The following SHOX variants were observed in gnomAD, a reference collection of about 807,000 sequenced individuals.
SHOX encodes the protein short stature homeobox protein.
A neutral mutation model predicts 29.6 loss-of-function variants in SHOX; 12 were observed. The ratio of observed to expected loss-of-function variants is 0.41; its 90% CI spans 0.26 to 0.66. SHOX has a LOEUF of 0.66. Among genes scored for constraint, SHOX ranks in the 30% least tolerant of loss-of-function variants. SHOX has a pLI of 0.35. For missense variants in SHOX, 499 were observed against 437.7 expected (o/e 1.14, Z -1.25); for synonymous variants, 214 against 200.6 (o/e 1.07, Z -0.57).
intron 2 of SHOX, 78 bp downstream of exon 2, chrX:634,904 C>G: frequency 6.9e-7 from 1 of 1,447,658 alleles, no homozygotes; most frequent in Non-Finnish European, 9.3e-7. Context: ...CGTACAGCCA[C>G]CTGCGCCCGG....
At chrX:631,299 C>T in intron 1 of SHOX, 125 bp downstream of exon 1, 1 of 1,255,058 alleles carries the variant, frequency 8.0e-7, no homozygotes, top group Non-Finnish European at 1.1e-6. Context: ...CAGGGTAAGG[C>T]CCGGGCCGTC....
intron 5 of SHOX, among the ~76,000 whole-genome samples, chrX:657,544 C>A (rs193275688): frequency 5.7e-4 from 87 of 152,230 alleles, no homozygotes; most frequent in South Asian, 8.3e-4. Context: ...GCACAAAGAA[C>A]CTGCTCCCCC....
chrX:627,570 C>T (rs542884089), upstream of SHOX, among the ~76,000 whole-genome samples: 47 of 152,258 alleles, frequency 3.1e-4, no homozygotes, highest in Admixed American at 1.6e-3. Flanking sequence ...ATCGGACGTG[C>T]GTGATTTCAA....
chrX:643,234 GGGGAGAGGCTTGGGGACCTGGTGTCCT>G (rs1569494978), intron 4 of SHOX, among the ~76,000 whole-genome samples: 21 of 124,882 alleles, frequency 1.7e-4, no homozygotes, highest in African/African-American at 3.7e-4. Flanking sequence ...CTGGTGTCCT[GGGGAGAGGCTTGGGGACCTGGTGTCCT>G]GGGAGAGGCT....
At chrX:640,226 T>C (rs1240856179) in intron 2 of SHOX, among the ~76,000 whole-genome samples, 30 of 151,690 alleles carry the variant, frequency 2.0e-4, no homozygotes, top group Non-Finnish European at 8.8e-5. Context: ...GCGCCTGTAA[T>C]CCCAGCTACT....
upstream of SHOX, among the ~76,000 whole-genome samples, chrX:628,669 TTC>T (rs1376353289): frequency 1.6e-4 from 1 of 6,426 alleles, no homozygotes; most frequent in African/African-American, 2.8e-3. Flanking sequence ...CCCTGTCTGT[TTC>T]TCTCTCTCCA....
intron 4 of SHOX, 71 bp from the exon 5 acceptor site, chrX:644,320 G>A (rs2052923952): frequency 1.4e-6 from 2 of 1,442,700 alleles, no homozygotes; most frequent in African/African-American, 3.0e-5. Context: ...GGAGGTTTCC[G>A]GGGGCGCGGG....
intron 4 of SHOX, 81 bp from the exon 5 acceptor site, chrX:644,310 G>A: frequency 7.0e-7 from 1 of 1,435,544 alleles, no homozygotes; most frequent in Non-Finnish European, 9.1e-7. Context: ...GAGGCACGTT[G>A]GAGGTTTCCG....
At chrX:636,007 G>A (rs1417125516) in intron 2 of SHOX, among the ~76,000 whole-genome samples, 2 of 151,932 alleles carry the variant, frequency 1.3e-5, no homozygotes, top group Admixed American at 6.6e-5. Flanking sequence ...CTGAAAGCCC[G>A]TTCCCGTAGG....
In SHOX at chrX:631,302, G is replaced by A. The variant is rs1429192223; in HGVS notation, c.277+128G>A. ...CTCCCGTCTCGCCAGGGTAAGGCCC[G>A]GGCCGTCAGGCTTTGCCTAAGAAAG... On this transcript the variant is annotated intron_variant, in intron 1 of 4. Transcript: ENST00000686671. 2.5e-6 allele frequency: 3 copies of A among 1,223,888 alleles called. No homozygotes were observed. In the African/African-American group the frequency reaches 4.5e-5, roughly 18 times the overall value. The allele number at this position is 1,223,888 out of a possible 1,614,324, so 75.8% of individuals were successfully genotyped here. A position where few individuals can be genotyped will look rare whatever the true frequency, so the allele number is the denominator to read the frequency against.
intron 1 of SHOX, among the ~76,000 whole-genome samples, chrX:634,338 T>A (rs766894543): frequency 2.7e-5 from 4 of 146,384 alleles, no homozygotes; most frequent in East Asian, 4.0e-4. Context: ...AAAAAAAAAA[T>A]AAGAAAAAAA....
Position 644,428 on chromosome X carries a change from C to T in SHOX, c.671C>T (p.Ala224Val). Reference protein sequence around the residue: ...AQLQLEGVAHAHPHLHPHLAA... With the variant: ...AQLQLEGVAHVHPHLHPHLAA... ...CTGCAGCTGGAAGGCGTGGCCCACG[C>T]GCACCCGCACCTGCACCCGCACCTG... Residue 224 changes from alanine (A) to valine (V), a missense_variant, in exon 5 of 5, where the codon GCG becomes GTG. Ala to Val is a moderately conservative substitution (Grantham distance 64). Coordinates refer to ENST00000686671, the MANE Select transcript of SHOX (RefSeq NM_000451.4). The T allele has an allele frequency of 2.0e-6, 3 of 1,520,532 alleles. No individual in the cohort carries two copies. In the East Asian group the frequency reaches 7.7e-5, roughly 39 times the overall value. The allele number at this position is 1,520,532 out of a possible 1,614,324, so 94.2% of individuals were successfully genotyped here. A position where few individuals can be genotyped will look rare whatever the true frequency, so the allele number is the denominator to read the frequency against.
chrX:630,111 G>A (rs923141774), upstream of SHOX, among the ~76,000 whole-genome samples: 3 of 152,080 alleles, frequency 2.0e-5, no homozygotes, highest in Non-Finnish European at 4.4e-5. Context: ...CCGGGAGGCG[G>A]CCCCGGGGAT....
At chrX:654,687 G>GT (rs1292972662), downstream of SHOX, among the ~76,000 whole-genome samples, 1 of 152,050 alleles carries the variant, frequency 6.6e-6, no homozygotes, top group African/African-American at 2.4e-5. Flanking sequence ...CTTTGTTTTT[G>GT]TTTTTTAATT....
At position 644,860 on chromosome X, in the gene SHOX, C is replaced by G; in HGVS notation, c.*224C>G. 1 of 578,080 alleles carries G rather than the reference C, an allele frequency of 1.7e-6. No homozygotes were observed. Among genetic ancestry groups the G allele is most frequent in the Non-Finnish European group, 2.7e-6 (1 of 369,662 alleles). 35.8% of individuals were successfully genotyped at this position (578,080 alleles called of 1,614,324 possible). A position where few individuals can be genotyped will look rare whatever the true frequency, so the allele number is the denominator to read the frequency against. ...TGGTGCAGAAGGCGGAGCGGGTGAG[C>G]GGCCGTGCGTCCAGCCCGGGCCTCT... On this transcript the variant is annotated 3_prime_UTR_variant, in exon 5 of 5. Transcript: ENST00000686671.
Position 651,229 on chromosome X carries a change from C to G in SHOX, c.*6593C>G. The G allele has an allele frequency of 2.3e-6, 1 of 435,980 alleles. No individual in the cohort carries two copies. The highest frequency in any genetic ancestry group is 4.6e-6 in the Non-Finnish European group (1 of 216,916). The allele number at this position is 435,980 out of a possible 1,614,324, so 27.0% of individuals were successfully genotyped here. A position where few individuals can be genotyped will look rare whatever the true frequency, so the allele number is the denominator to read the frequency against. Reference sequence around the variant, plus strand: ...AAACTGTTGCTTTTTCTTTTTCCCTCCCCCATTGACGACATAGCGGCCCCC... The same window carrying G: ...AAACTGTTGCTTTTTCTTTTTCCCTGCCCCATTGACGACATAGCGGCCCCC... On this transcript the variant is annotated 3_prime_UTR_variant, in exon 5 of 5. Coordinates refer to ENST00000686671, the MANE Select transcript of SHOX (RefSeq NM_000451.4).
Position 631,065 on chromosome X carries a change from C to G in SHOX, c.168C>G (p.Leu56=), listed in dbSNP as rs756239303. ...SRELGTSDSS[L]QDITEGGGHC... Reference sequence around the variant, plus strand: ...AGCTGGGGACGTCGGATTCCAGCCTCCAGGACATCACGGAGGGCGGCGGCC... The same window carrying G: ...AGCTGGGGACGTCGGATTCCAGCCTGCAGGACATCACGGAGGGCGGCGGCC... The change falls in exon 1 of 5, where the codon CTC becomes CTG. Residue 56 remains leucine, a synonymous_variant. Coordinates refer to ENST00000686671, the MANE Select transcript of SHOX (RefSeq NM_000451.4). 6.2e-7 allele frequency: 1 copy of G among 1,613,796 alleles called. No individual in the cohort carries two copies. The highest frequency in any genetic ancestry group is 1.1e-5 in the South Asian group (1 of 91,076).
chrX:631,777 C>G (rs944690028), intron 1 of SHOX: 7 of 410,272 alleles, frequency 1.7e-5, no homozygotes, highest in Non-Finnish European at 3.5e-5. Context: ...GGTGATCCAC[C>G]CGCCTCGGCC....
At chrX:633,774 C>G (rs1177473911) in intron 1 of SHOX, among the ~76,000 whole-genome samples, 1 of 152,088 alleles carries the variant, frequency 6.6e-6, no homozygotes, top group Non-Finnish European at 1.5e-5. Context: ...TCCACCAGCC[C>G]TGGGTTGAAG....
Sources: allele counts gnomAD v4.1 joint callset (sites outside exome capture counted in the v4.1 genomes callset), GRCh38; gene constraint gnomAD v4.1.1; transcripts MANE v1.5; gene names NCBI Gene and HGNC (gene_info 2026-07-23, HGNC 2026-07-21).